The following ADRA1D variants were observed in gnomAD, a reference collection of about 807,000 sequenced individuals.
ADRA1D encodes the protein alpha-1D adrenergic receptor.
Under a neutral mutation model 18.6 loss-of-function variants are expected in ADRA1D, and 22 were observed. That is an observed-to-expected ratio of 1.19 (90% CI 0.85 to 1.69). The LOEUF is 1.69. Among genes scored for constraint, ADRA1D ranks in the 40% most tolerant of loss-of-function variants. ADRA1D has a pLI of 0.00. For missense variants in ADRA1D, 840 were observed against 840.7 expected (o/e 1.00, Z 0.01); for synonymous variants, 376 against 388.2 (o/e 0.97, Z 0.37).
At chr20:4,226,062 C>T (rs913843216) in intron 1 of ADRA1D, among the ~76,000 whole-genome samples, 1 of 152,224 alleles carries the variant, frequency 6.6e-6, no homozygotes, top group Non-Finnish European at 1.5e-5. Flanking sequence ...CCCAGGATGA[C>T]AAATCAGTGG....
chr20:4,235,696 A>C (rs1040898247), intron 1 of ADRA1D, among the ~76,000 whole-genome samples: 4 of 152,246 alleles, frequency 2.6e-5, no homozygotes, highest in Non-Finnish European at 4.4e-5. Flanking sequence ...GCTGTCCGGG[A>C]GTCCCAGCAC....
At chr20:4,223,941 G>A (rs1472287670) in intron 1 of ADRA1D, among the ~76,000 whole-genome samples, 1 of 152,164 alleles carries the variant, frequency 6.6e-6, no homozygotes, top group Non-Finnish European at 1.5e-5. Flanking sequence ...GCTCCCCACT[G>A]CAGCTGTGTG....
chr20:4,231,507 G>A (rs993729775), intron 1 of ADRA1D, among the ~76,000 whole-genome samples: 26 of 152,234 alleles, frequency 1.7e-4, no homozygotes, highest in Middle Eastern at 3.4e-3. Context: ...TGACTCGAAC[G>A]AAGCAGGGAC....
At chr20:4,237,072 G>T (rs1309439356) in intron 1 of ADRA1D, among the ~76,000 whole-genome samples, 1 of 152,162 alleles carries the variant, frequency 6.6e-6, no homozygotes, top group African/African-American at 2.4e-5. Flanking sequence ...CTTGGGGCTG[G>T]AGCTGAAGAG....
Position 4,221,709 on chromosome 20 carries a change from G to T in ADRA1D, c.1533C>A (p.Arg511=). The T allele has an allele frequency of 6.2e-7, 1 of 1,610,124 alleles. No homozygotes were observed. The highest frequency in any genetic ancestry group is 8.5e-7 in the Non-Finnish European group (1 of 1,179,268). ...GPFRRPTTQL[R]AKVSSLSHKI... is the part of the protein sequence containing the mutation. ...TGTGCGACAGGCTGGAGACTTTGGC[G>T]CGCAGCTGGGTCGTGGGTCTCCGGA... The change falls in exon 2 of 2, where the codon CGC becomes CGA. Residue 511 remains arginine, a synonymous_variant. Transcript: ENST00000379453.
Position 4,239,411 on chromosome 20 carries a change from T to G in ADRA1D, c.1111+8436A>C, listed in dbSNP as rs1377985543. On this transcript the variant is annotated intron_variant, in intron 1 of 1. Coordinates refer to ENST00000379453, the MANE Select transcript of ADRA1D (RefSeq NM_000678.4). This position sits in a 1 kb window ranked among gnomAD's most constrained non-coding sequence, Gnocchi z 4.9. ...CATCAGTGTTGTGTTTTTCTTCTAC[T>G]GAAAATAAAATGTACTTCCTAGATC... Among the ~76,000 whole-genome samples the G allele has an allele frequency of 6.6e-6, 1 of 152,214 alleles. No homozygotes were observed. The highest frequency in any genetic ancestry group is 1.5e-5 in the Non-Finnish European group (1 of 68,046).
intron 1 of ADRA1D, among the ~76,000 whole-genome samples, chr20:4,240,272 T>A (rs780091743): frequency 6.6e-6 from 1 of 152,190 alleles, no homozygotes; most frequent in Non-Finnish European, 1.5e-5. Flanking sequence ...ATCGACCATA[T>A]GCAACGTGTG....
intron 1 of ADRA1D, among the ~76,000 whole-genome samples, chr20:4,238,935 G>A (rs1981155368): frequency 6.6e-6 from 1 of 152,006 alleles, no homozygotes; most frequent in Admixed American, 6.6e-5. Flanking sequence ...ATGTGTAATC[G>A]ACTGGGAGAC....
chr20:4,244,113 C>T (rs917955610), intron 1 of ADRA1D, among the ~76,000 whole-genome samples: 3 of 152,142 alleles, frequency 2.0e-5, no homozygotes, highest in South Asian at 2.1e-4. Flanking sequence ...TCTGGAACTC[C>T]GGGCCCTTCC....
chr20:4,223,557 G>A (rs535414897), intron 1 of ADRA1D, among the ~76,000 whole-genome samples: 4 of 152,322 alleles, frequency 2.6e-5, no homozygotes, highest in African/African-American at 9.6e-5. Flanking sequence ...TGAGATGCAG[G>A]TGGGGTGATG....
chr20:4,237,731 T>C (rs549214037), intron 1 of ADRA1D, among the ~76,000 whole-genome samples: 64 of 150,194 alleles, frequency 4.3e-4, no homozygotes, highest in Non-Finnish European at 8.3e-4. Flanking sequence ...CCATCTCGGC[T>C]CACTGCACTG....
chr20:4,220,742 A>T lies in ADRA1D; in HGVS notation c.*781T>A, dbSNP rs1297757511. On this transcript the variant is annotated 3_prime_UTR_variant, in exon 2 of 2. Transcript: ENST00000379453. Reference sequence around the variant, plus strand: ...TGGGCTAAAGAGGGACAGTTTGCACAGCTTGGACAAAATAGAAGTACTCTT... The same window carrying T: ...TGGGCTAAAGAGGGACAGTTTGCACTGCTTGGACAAAATAGAAGTACTCTT... The T allele has an allele frequency of 1.3e-5, 2 of 152,600 alleles. No homozygotes were observed. Among genetic ancestry groups the T allele is most frequent in the Non-Finnish European group, 2.9e-5 (2 of 68,044 alleles). 9.5% of individuals were successfully genotyped at this position (152,600 alleles called of 1,614,324 possible). A position where few individuals can be genotyped will look rare whatever the true frequency, so the allele number is the denominator to read the frequency against.
At chr20:4,233,193 C>T (rs117256984) in intron 1 of ADRA1D, among the ~76,000 whole-genome samples, 2 of 152,132 alleles carry the variant, frequency 1.3e-5, no homozygotes, top group Non-Finnish European at 2.9e-5. Flanking sequence ...GGTGTGGTGG[C>T]TCACGCATAT....
rs1980647481 is a variant in ADRA1D, at chr20:4,221,141, C to A, written c.*382G>T. 1 of 169,470 alleles carries A rather than the reference C, an allele frequency of 5.9e-6. No individual in the cohort carries two copies. The highest frequency in any genetic ancestry group is 1.6e-4 in the East Asian group (1 of 6,150). The allele number at this position is 169,470 out of a possible 1,614,324, so 10.5% of individuals were successfully genotyped here. A position where few individuals can be genotyped will look rare whatever the true frequency, so the allele number is the denominator to read the frequency against. ...GAGGCACTGGGGTAGCCGGCCAAAG[C>A]TTCTGTGCCTATTTCCCAGAAGAGG... On this transcript the variant is annotated 3_prime_UTR_variant, in exon 2 of 2. Transcript: ENST00000379453.
intron 1 of ADRA1D, among the ~76,000 whole-genome samples, chr20:4,232,172 C>G (rs532777592): frequency 6.6e-6 from 1 of 152,188 alleles, no homozygotes; most frequent in South Asian, 2.1e-4. Flanking sequence ...CCTCGGCTTC[C>G]TAAAATGCTG....
At chr20:4,234,178 T>G (rs1981035679) in intron 1 of ADRA1D, among the ~76,000 whole-genome samples, 1 of 152,226 alleles carries the variant, frequency 6.6e-6, no homozygotes, top group Non-Finnish European at 1.5e-5. Context: ...CAGTCCATTT[T>G]CCTAAGGAAC....
intron 1 of ADRA1D, among the ~76,000 whole-genome samples, chr20:4,237,836 G>GTAAT (rs1555821624): frequency 6.9e-6 from 1 of 144,598 alleles, no homozygotes; most frequent in African/African-American, 2.5e-5. Context: ...GCTAATTTTT[G>GTAAT]TATTTATTTA....
At chr20:4,237,124 C>A (rs370054226) in intron 1 of ADRA1D, among the ~76,000 whole-genome samples, 4 of 151,714 alleles carry the variant, frequency 2.6e-5, no homozygotes, top group African/African-American at 9.7e-5. Flanking sequence ...GAGGGGTCTC[C>A]GAGGAAGGCT....
chr20:4,241,766 T>C (rs1981219736), intron 1 of ADRA1D, among the ~76,000 whole-genome samples: 1 of 152,162 alleles, frequency 6.6e-6, no homozygotes, highest in Non-Finnish European at 1.5e-5. Context: ...CCTGGCCGAC[T>C]CTCAGACATA....
Sources: gnomAD v4.1 joint callset for allele counts (sites outside exome capture counted in the v4.1 genomes callset) on GRCh38, gnomAD v4.1.1 for gene constraint, Gnocchi (gnomAD v3.1) non-coding constraint, MANE v1.5 for transcripts, NCBI Gene and HGNC (gene_info 2026-07-23, HGNC 2026-07-21) for gene names.